The following CAPZB variants were observed in gnomAD, a reference collection of about 807,000 sequenced individuals.
CAPZB encodes the protein capping actin protein of muscle Z-line subunit beta, also known as F-actin-capping protein subunit beta.
In CAPZB, 2 loss-of-function variants were observed where a neutral mutation model predicts 38.1. The observed-to-expected ratio is 0.05, with a 90% CI of 0.02 to 0.17. The LOEUF (loss-of-function observed/expected upper bound fraction) is 0.17, where lower values mean the gene tolerates loss of function less well. CAPZB is among the 10% of genes least tolerant of loss of function. CAPZB has a pLI of 1.00. For synonymous variants in CAPZB, 107 were observed against 127.4 expected (o/e 0.84, Z 1.08); for missense variants, 161 against 334.2 (o/e 0.48, Z 4.04).
intron 1 of CAPZB, among the ~76,000 whole-genome samples, chr1:19,433,335 T>A: frequency 6.6e-6 from 1 of 152,220 alleles, no homozygotes; most frequent in Admixed American, 6.5e-5. Context: ...TGCTCCTGTC[T>A]TCCAAATAAC....
At chr1:19,428,291 T>A (rs1281628582) in intron 1 of CAPZB, among the ~76,000 whole-genome samples, 20 of 151,946 alleles carry the variant, frequency 1.3e-4, no homozygotes, top group Non-Finnish European at 4.4e-5. Flanking sequence ...TAATCCCAGC[T>A]ACACGGGAGG....
chr1:19,481,593 G>C (rs999125752), intron 1 of CAPZB, among the ~76,000 whole-genome samples: 2 of 152,192 alleles, frequency 1.3e-5, no homozygotes, highest in Non-Finnish European at 2.9e-5. Flanking sequence ...ACCCGGGTTG[G>C]ACAGGCTGGA....
chr1:19,383,486 C>G (rs931744226), intron 3 of CAPZB, among the ~76,000 whole-genome samples: 7 of 150,588 alleles, frequency 4.6e-5, no homozygotes, highest in Non-Finnish European at 1.0e-4. Flanking sequence ...CATGGTGATA[C>G]ATGCCTATGG....
chr1:19,402,989 C>T (rs2094311287), intron 2 of CAPZB, among the ~76,000 whole-genome samples: 1 of 152,172 alleles, frequency 6.6e-6, no homozygotes, highest in Non-Finnish European at 1.5e-5. Context: ...GCAGAGGTTG[C>T]AGTGAGCCAA....
intron 3 of CAPZB, among the ~76,000 whole-genome samples, chr1:19,383,125 A>C (rs1396171175): frequency 6.6e-6 from 1 of 151,962 alleles, no homozygotes; most frequent in Non-Finnish European, 1.5e-5. Context: ...ACAAAAAAAA[A>C]AAAAAAAGGA....
rs112114806 is a variant in CAPZB at position 19,355,758 on chromosome 1, T to C, written c.588+877A>G. ...AAAGAGGGGTCCTTGTGAAACCCAG[T>C]TGTGCTTGGTCTATGCTTTCTCTTC... On this transcript the variant is annotated intron_variant, in intron 6 of 8. Coordinates refer to ENST00000264202, the MANE Select transcript of CAPZB (RefSeq NM_004930.5). Among the ~76,000 whole-genome samples, 33 of 152,318 alleles carry C rather than the reference T, an allele frequency of 2.2e-4. 1 individual carries two copies. Among genetic ancestry groups the C allele is most frequent in the African/African-American group, 7.7e-4 (32 of 41,574 alleles).
At chr1:19,411,447 T>C (rs2094356572) in intron 2 of CAPZB, among the ~76,000 whole-genome samples, 1 of 152,308 alleles carries the variant, frequency 6.6e-6, no homozygotes, top group Middle Eastern at 3.4e-3. Flanking sequence ...CTTCCCCTAA[T>C]GGAAAATCAA....
At chr1:19,412,273 A>C (rs1043228394) in intron 2 of CAPZB, among the ~76,000 whole-genome samples, 1 of 152,158 alleles carries the variant, frequency 6.6e-6, no homozygotes, top group Non-Finnish European at 1.5e-5. Context: ...TGCTCCAGAG[A>C]TAACATTCGG....
At position 19,478,160 on chromosome 1, in the gene CAPZB, C is replaced by A. The variant is rs77570750; in HGVS notation, c.3+7276G>T. On this transcript the variant is annotated intron_variant, in intron 1 of 8. Transcript: ENST00000264202. ...ACCAGAAACCCTGGGCTGCTGTTTT[C>A]AGCAGTCTGGTGTTTAAACAGAATG... 8.9e-3 allele frequency among the ~76,000 whole-genome samples: 1,353 copies of A among 152,278 alleles called. 19 individuals are homozygous for A. Among genetic ancestry groups the A allele is most frequent in the African/African-American group, 0.031 (1,279 of 41,532 alleles).
At chr1:19,485,224 G>A (rs974483300) in intron 1 of CAPZB, among the ~76,000 whole-genome samples, 1 of 152,124 alleles carries the variant, frequency 6.6e-6, no homozygotes. Flanking sequence ...AAGGGCGGGG[G>A]CTGGGAGCGG....
intron 6 of CAPZB, among the ~76,000 whole-genome samples, chr1:19,355,525 G>A (rs943688426): frequency 2.0e-5 from 3 of 151,612 alleles, no homozygotes; most frequent in Non-Finnish European, 2.9e-5. Context: ...TTACTGCATC[G>A]ATCCTTTCGG....
chr1:19,368,495 GAAAAAA>G (rs33961282), intron 4 of CAPZB, among the ~76,000 whole-genome samples: 1 of 112,734 alleles, frequency 8.9e-6, no homozygotes, highest in African/African-American at 3.2e-5. Flanking sequence ...TTTTTTCTTG[GAAAAAA>G]AAAAAAAAAA....
intron 2 of CAPZB, among the ~76,000 whole-genome samples, chr1:19,405,541 C>CAAAAA (rs10577923): frequency 3.1e-5 from 3 of 96,484 alleles, no homozygotes; most frequent in African/African-American, 1.3e-4. Context: ...TAGAAAGAGG[C>CAAAAA]AAAAAAAAAA....
At chr1:19,341,249 C>CA (rs2093926728) in intron 8 of CAPZB, among the ~76,000 whole-genome samples, 1 of 152,216 alleles carries the variant, frequency 6.6e-6, no homozygotes, top group South Asian at 2.1e-4. Flanking sequence ...CATCAGCCCC[C>CA]ACGGCCCCCA....
intron 1 of CAPZB, 109 bp from the exon 2 acceptor site, chr1:19,419,859 C>G (rs530641923): frequency 1.5e-6 from 1 of 671,870 alleles, no homozygotes; most frequent in Admixed American, 2.5e-5. Flanking sequence ...CAAAGAGCCA[C>G]GCAGTGGGCC....
intron 1 of CAPZB, among the ~76,000 whole-genome samples, chr1:19,471,865 CAAAAAAAAAAAAAAAAAAA>C (rs59289947): frequency 1.5e-5 from 2 of 134,416 alleles, no homozygotes; most frequent in African/African-American, 5.9e-5. Context: ...GACTCCGTCT[CAAAAAAAAAAAAAAAAAAA>C]AAAAAAAAAA....
intron 2 of CAPZB, among the ~76,000 whole-genome samples, chr1:19,388,743 G>A (rs2094216669): frequency 6.6e-6 from 1 of 152,214 alleles, no homozygotes; most frequent in Admixed American, 6.5e-5. Flanking sequence ...CTGTGAGCTG[G>A]CCACGGAACC....
chr1:19,407,776 T>G (rs1377297274), intron 2 of CAPZB, among the ~76,000 whole-genome samples: 2 of 152,118 alleles, frequency 1.3e-5, no homozygotes, highest in Non-Finnish European at 2.9e-5. Flanking sequence ...ACTTTCCCAA[T>G]GATAACCGGG....
chr1:19,399,050 G>A (rs1177545485), intron 2 of CAPZB, among the ~76,000 whole-genome samples: 1 of 151,904 alleles, frequency 6.6e-6, no homozygotes, highest in African/African-American at 2.4e-5. Context: ...TAGAGACAGG[G>A]TTTCACCATG....
Sources: gnomAD v4.1 joint callset for allele counts (sites outside exome capture counted in the v4.1 genomes callset) on GRCh38, gnomAD v4.1.1 for gene constraint, MANE v1.5 for transcripts, NCBI Gene and HGNC (gene_info 2026-07-23, HGNC 2026-07-21) for gene names.